FREM2: variants seen among roughly 807,000 people sequenced by gnomAD.
FREM2 encodes FRAS1 related extracellular matrix 2.
Under a neutral mutation model 219.9 loss-of-function variants are expected in FREM2, and 119 were observed. The ratio of observed to expected loss-of-function variants is 0.54; its 90% CI spans 0.47 to 0.63. The LOEUF is 0.63. Ranked by LOEUF, FREM2 falls within the 30% of genes least tolerant of loss-of-function variation. The pLI, the probability that FREM2 is intolerant of heterozygous loss-of-function variation, is 0.00. For missense variants in FREM2, 4,030 were observed against 3,993.6 expected, an observed-to-expected ratio of 1.01 and a Z score of -0.25; for synonymous variants, 1,562 against 1,522.8, an observed-to-expected ratio of 1.03 and a Z score of -0.60.
At position 38,880,982 on chromosome 13, in the gene FREM2, T is replaced by C. The variant is rs1878526489; in HGVS notation, c.*195T>C. On this transcript the variant is annotated 3_prime_UTR_variant, in exon 24 of 24. Coordinates refer to ENST00000280481, the MANE Select transcript of FREM2 (RefSeq NM_207361.6). ...GCATCAAAGGACAAATTAAGGCATC[T>C]TTCCTCTTGCCCCAAAGGCAGCAAC... 5 of 699,566 alleles carry C rather than the reference T, an allele frequency of 7.1e-6. No homozygotes were observed. The highest frequency in any genetic ancestry group is 1.2e-5 in the Non-Finnish European group (5 of 408,978). 43.3% of individuals were successfully genotyped at this position (699,566 alleles called of 1,614,324 possible). A position where few individuals can be genotyped will look rare whatever the true frequency, so the allele number is the denominator to read the frequency against.
At chr13:38,720,227 AT>A (rs200167725) in intron 2 of FREM2, among the ~76,000 whole-genome samples, 2,144 of 152,190 alleles carry the variant, frequency 0.014, 16 homozygotes, top group Middle Eastern at 0.024. Context: ...CCTTTTATCT[AT>A]TTTCTGAATT....
intron 4 of FREM2, among the ~76,000 whole-genome samples, chr13:38,782,207 T>C (rs1874144631): frequency 6.6e-6 from 1 of 152,214 alleles, no homozygotes; most frequent in South Asian, 2.1e-4. Context: ...TGAAGTGTTT[T>C]CTGTGTGGGT....
intron 2 of FREM2, among the ~76,000 whole-genome samples, chr13:38,750,570 T>A (rs756350436): frequency 1.3e-5 from 2 of 152,236 alleles, no homozygotes; most frequent in Non-Finnish European, 2.9e-5. Context: ...CTATTGTGAA[T>A]ACTGCTGCAG....
In FREM2 at chr13:38,689,887, G is replaced by A; in HGVS notation, c.2543G>A (p.Ser848Asn). 2 of 1,614,174 alleles carry A rather than the reference G, an allele frequency of 1.2e-6. No homozygotes were observed. Among genetic ancestry groups the A allele is most frequent in the African/African-American group, 1.3e-5 (1 of 75,040 alleles). The change falls in exon 1 of 24, where the codon AGT becomes AAT. Residue 848 changes from serine to asparagine, a missense_variant. Around this residue, in one of 2 missense-constraint regions of FREM2, gnomAD observed 3,102 missense variants for 2,950.7 expected, o/e 1.05. Coordinates refer to ENST00000280481, the MANE Select transcript of FREM2 (RefSeq NM_207361.6). ...CAGGAGAAGGGTCACCACATCCTGA[G>A]TGAGACAGAGTTGCACGTGAATGAT... ...TIQEKGHHIL[S>N]ETELHVNDVD...
intron 2 of FREM2, among the ~76,000 whole-genome samples, chr13:38,761,147 G>A (rs1873209669): frequency 6.6e-6 from 1 of 152,188 alleles, no homozygotes; most frequent in Non-Finnish European, 1.5e-5. Flanking sequence ...AGAAGATACA[G>A]CACATACAAA....
chr13:38,764,995 C>T (rs533646771), intron 3 of FREM2, among the ~76,000 whole-genome samples: 114 of 152,292 alleles, frequency 7.5e-4, no homozygotes, highest in African/African-American at 2.5e-3. Flanking sequence ...ACTGCAAGCT[C>T]CGCCTCCCAG....
Position 38,848,518 on chromosome 13 carries a change from T to G in FREM2, c.6227T>G (p.Met2076Arg). The G allele has an allele frequency of 6.2e-7, 1 of 1,614,096 alleles. No individual in the cohort carries two copies. The change falls in exon 8 of 24, where the codon ATG (methionine) becomes AGG (arginine). Residue 2076 changes from methionine to arginine, a missense_variant. Around this residue, in one of 2 missense-constraint regions of FREM2, gnomAD observed 3,102 missense variants for 2,950.7 expected, o/e 1.05. Coordinates refer to ENST00000280481, the MANE Select transcript of FREM2 (RefSeq NM_207361.6). ...RNLDFAPGVN[M>R]QPVRVVILDD... ...TTAGATTTTGCACCTGGAGTCAACA[T>G]GCAGCCTGTTCGTGTTGTCATTCTG...
chr13:38,793,536 G>A (rs1164802658), intron 6 of FREM2, among the ~76,000 whole-genome samples: 5 of 152,156 alleles, frequency 3.3e-5, no homozygotes, highest in East Asian at 1.9e-4. Context: ...AGAGGTGGGC[G>A]AGGAGTCAAT....
At chr13:38,840,735 C>T (rs1876929141) in intron 6 of FREM2, among the ~76,000 whole-genome samples, 1 of 151,016 alleles carries the variant, frequency 6.6e-6, no homozygotes, top group African/African-American at 2.4e-5. Flanking sequence ...TATATATACA[C>T]ACACACACAC....
At position 38,688,630 on chromosome 13, in the gene FREM2, T is replaced by C. The variant is rs367754064; in HGVS notation, c.1286T>C (p.Val429Ala). The C allele has an allele frequency of 1.9e-6, 3 of 1,613,832 alleles. No homozygotes were observed. Among genetic ancestry groups the C allele is most frequent in the Non-Finnish European group, 2.5e-6 (3 of 1,179,918 alleles). Residue 429 changes from valine to alanine, a missense_variant, in exon 1 of 24, where the codon GTA becomes GCA. By Grantham distance (64) the Val-to-Ala change is moderately conservative. This residue lies in a region of FREM2 where 3,102 missense variants were observed against 2,950.7 expected (regional missense o/e 1.05). Coordinates refer to ENST00000280481, the MANE Select transcript of FREM2 (RefSeq NM_207361.6). The part of the protein sequence containing the change: ...GAASDPFAFM[V>A]VVKPMNTMAP... ...GCTTCAGACCCTTTTGCCTTCATGG[T>C]AGTGGTGAAGCCCATGAACACAATG...
At chr13:38,721,363 A>G (rs139671476) in intron 2 of FREM2, among the ~76,000 whole-genome samples, 2 of 152,270 alleles carry the variant, frequency 1.3e-5, no homozygotes, top group East Asian at 3.9e-4. Flanking sequence ...AGATGGAGAG[A>G]AAGCCATGTA....
At chr13:38,795,555 T>C (rs571423213) in intron 6 of FREM2, among the ~76,000 whole-genome samples, 22 of 152,274 alleles carry the variant, frequency 1.4e-4, no homozygotes, top group Admixed American at 1.3e-3. Flanking sequence ...AGGATATTCA[T>C]CACCTTGAAT....
At chr13:38,875,569 C>T (rs923575248) in intron 18 of FREM2, among the ~76,000 whole-genome samples, 2 of 152,166 alleles carry the variant, frequency 1.3e-5, no homozygotes, top group African/African-American at 4.8e-5. Context: ...GGCAATCTAA[C>T]TAAAATCAGA....
At chr13:38,787,382 T>G (rs976281422) in intron 6 of FREM2, among the ~76,000 whole-genome samples, 2 of 152,148 alleles carry the variant, frequency 1.3e-5, no homozygotes, top group Non-Finnish European at 2.9e-5. Flanking sequence ...CCTTTTCATC[T>G]CAGATGCAGA....
rs769976320 is a variant in FREM2, at chr13:38,692,502, A to G, written c.5158A>G (p.Thr1720Ala). ...CCTGGACAAAGGCAACCACAGCATC[A>G]CTCAGTTCACACAAGGTATGTTTCA... is the stretch of plus-strand genomic sequence containing the variant. ...LNLDKGNHSI[T>A]QFTQADIDDM... The change falls in exon 1 of 24, where the codon ACT becomes GCT. Residue 1720 changes from threonine (T) to alanine (A), a missense_variant. Physicochemically the swap from Thr to Ala is moderately conservative, Grantham distance 58 (BLOSUM62 0). This residue lies in a region of FREM2 where 3,102 missense variants were observed against 2,950.7 expected (regional missense o/e 1.05). Coordinates refer to ENST00000280481, the MANE Select transcript of FREM2 (RefSeq NM_207361.6). The G allele has an allele frequency of 3.1e-6, 5 of 1,611,134 alleles. No homozygotes were observed. The highest frequency in any genetic ancestry group is 4.2e-6 in the Non-Finnish European group (5 of 1,179,986).
chr13:38,782,023 C>A lies in FREM2; in HGVS notation c.5642-1047C>A, dbSNP rs1874137475. ...CTTCCTGTATTCCCCATTGGCCGAC[C>A]CAACCAGGAGCCAGAATGTAAGGGA... is the stretch of plus-strand genomic sequence containing the variant. On this transcript the variant is annotated intron_variant, in intron 4 of 23. Transcript: ENST00000280481. 2.6e-5 allele frequency among the ~76,000 whole-genome samples: 4 copies of A among 152,166 alleles called. No homozygotes were observed. The South Asian group carries it at 8.3e-4, about 31-fold the overall frequency.
At chr13:38,836,738 G>A (rs895478563) in intron 6 of FREM2, among the ~76,000 whole-genome samples, 14 of 152,122 alleles carry the variant, frequency 9.2e-5, no homozygotes, top group African/African-American at 3.1e-4. Flanking sequence ...ATGTAGAGGT[G>A]TTTATAGTAT....
intron 2 of FREM2, among the ~76,000 whole-genome samples, chr13:38,726,154 T>C (rs1871513702): frequency 6.6e-6 from 1 of 151,990 alleles, no homozygotes; most frequent in Non-Finnish European, 1.5e-5. Flanking sequence ...ACAGTAACTT[T>C]TATTGTGGTT....
At chr13:38,777,482 C>T (rs527445183) in intron 4 of FREM2, among the ~76,000 whole-genome samples, 2 of 152,192 alleles carry the variant, frequency 1.3e-5, no homozygotes, top group Non-Finnish European at 2.9e-5. Context: ...ACCTAACTTT[C>T]AGCTGCTCAC....
Sources: gnomAD v4.1 joint callset for allele counts (sites outside exome capture counted in the v4.1 genomes callset) on GRCh38, gnomAD v4.1.1 for gene constraint, gnomAD v4.1.1 regional missense constraint, MANE v1.5 for transcripts, NCBI Gene and HGNC (gene_info 2026-07-23, HGNC 2026-07-21) for gene names.